SLC35E3: variants seen among roughly 807,000 people sequenced by gnomAD.
The protein encoded by SLC35E3 is solute carrier family 35 member E3, also known as bladder cancer-overexpressed gene 1 protein.
Under a neutral mutation model 30.8 loss-of-function variants are expected in SLC35E3, and 28 were observed. That is an observed-to-expected ratio of 0.91 (90% CI 0.67 to 1.25). The LOEUF (loss-of-function observed/expected upper bound fraction) is 1.25, where lower values mean the gene tolerates loss of function less well. SLC35E3 is among the 50% of genes most tolerant of loss of function. The pLI, the probability that SLC35E3 is intolerant of heterozygous loss-of-function variation, is 0.00. For missense variants in SLC35E3, 365 were observed against 375.4 expected (o/e 0.97, Z 0.23); for synonymous variants, 146 against 149.2 (o/e 0.98, Z 0.16).
At chr12:68,752,211 T>C (rs750206861) in intron 3 of SLC35E3, 21 bp downstream of exon 3, 1 of 1,582,612 alleles carries the variant, frequency 6.3e-7, no homozygotes, top group Admixed American at 1.9e-5. Context: ...ATTGTTTTGA[T>C]ATCTAAGAAA....
intron 2 of SLC35E3, among the ~76,000 whole-genome samples, chr12:68,749,680 A>C (rs1314562791): frequency 1.3e-5 from 2 of 152,210 alleles, no homozygotes; most frequent in Non-Finnish European, 2.9e-5. Flanking sequence ...GGAAAAGTTA[A>C]CAATTTAAAT....
rs1311738130 is a variant in SLC35E3 at position 68,765,503 on chromosome 12, C to T, written c.*613C>T. On this transcript the variant is annotated 3_prime_UTR_variant, in exon 5 of 5. Coordinates refer to ENST00000398004, the MANE Select transcript of SLC35E3 (RefSeq NM_018656.5). The stretch of plus-strand genomic sequence containing the variant: ...TTGGGAGACTGAGACATGAGAATCG[C>T]TTGAGCCTGGGAGGCGGAGGTTGCA... The T allele has an allele frequency of 6.6e-6, 1 of 151,708 alleles. No homozygotes were observed. Among genetic ancestry groups the T allele is most frequent in the Non-Finnish European group, 1.5e-5 (1 of 68,028 alleles). 9.4% of individuals were successfully genotyped at this position (151,708 alleles called of 1,614,324 possible).
intron 1 of SLC35E3, among the ~76,000 whole-genome samples, chr12:68,747,393 C>T (rs955550174): frequency 3.3e-5 from 5 of 152,070 alleles, no homozygotes; most frequent in Non-Finnish European, 7.4e-5. Context: ...CCTCAGCCTC[C>T]CGAGTAGCTG....
chr12:68,762,041 A>G (rs1191059305), intron 4 of SLC35E3, among the ~76,000 whole-genome samples: 2 of 151,888 alleles, frequency 1.3e-5, no homozygotes, highest in African/African-American at 4.8e-5. Context: ...GTTCACTGCA[A>G]CCTCAAACTG....
At chr12:68,749,804 C>T (rs771003684) in intron 2 of SLC35E3, among the ~76,000 whole-genome samples, 21 of 152,130 alleles carry the variant, frequency 1.4e-4, no homozygotes, top group Non-Finnish European at 2.9e-4. Flanking sequence ...TGAGGCTAGG[C>T]AGTAGGTGCA....
chr12:68,752,190 G>A lies in SLC35E3; in HGVS notation c.672G>A (p.Leu224=). Residue 224 remains leucine, a splice_region_variant and synonymous_variant, in exon 3 of 5, where the codon TTG becomes TTA. Coordinates refer to ENST00000398004, the MANE Select transcript of SLC35E3 (RefSeq NM_018656.5). ...TTGGTCCCTGGTCAGTTTCTGCTTT[G>A]GTAAGTTCTAATTGTTTTGATATCT... The part of the protein sequence containing the change: ...GIFGPWSVSA[L]LMVLLSGVIA... The A allele has an allele frequency of 5.0e-6, 8 of 1,601,154 alleles. No individual in the cohort carries two copies. The highest frequency in any genetic ancestry group is 6.0e-6 in the Non-Finnish European group (7 of 1,176,174).
chr12:68,762,133 C>T (rs1413293517), intron 4 of SLC35E3, among the ~76,000 whole-genome samples: 1 of 152,036 alleles, frequency 6.6e-6, no homozygotes, highest in Non-Finnish European at 1.5e-5. Flanking sequence ...GCCAGGTGCT[C>T]AGTTTTGGAT....
At chr12:68,747,905 A>G in intron 1 of SLC35E3, 25 bp from the exon 2 acceptor site, 1 of 1,250,306 alleles carries the variant, frequency 8.0e-7, no homozygotes, top group African/African-American at 1.5e-5. Context: ...TAATCTGAAC[A>G]ACATTTACCT....
intron 3 of SLC35E3, among the ~76,000 whole-genome samples, chr12:68,754,973 A>G (rs1370005743): frequency 2.0e-5 from 3 of 152,092 alleles, no homozygotes; most frequent in African/African-American, 7.2e-5. Flanking sequence ...TTAAACAACA[A>G]ATACTCATTT....
At position 68,752,159 on chromosome 12, in the gene SLC35E3, G is replaced by A. The variant is rs773678128; in HGVS notation, c.641G>A (p.Gly214Glu). The A allele has an allele frequency of 6.2e-7, 1 of 1,613,154 alleles. No homozygotes were observed. Among genetic ancestry groups the A allele is most frequent in the South Asian group, 1.1e-5 (1 of 90,844 alleles). Reference protein sequence around the residue: ...PFFEPVFGEGGIFGPWSVSAL... With the variant: ...PFFEPVFGEGEIFGPWSVSAL... The stretch of plus-strand genomic sequence containing the variant: ...TTTGAGCCAGTGTTTGGAGAAGGAG[G>A]AATATTTGGTCCCTGGTCAGTTTCT... Residue 214 changes from glycine (G) to glutamate (E), a missense_variant, in exon 3 of 5, where the codon GGA (glycine) becomes GAA (glutamate). Transcript: ENST00000398004.
At chr12:68,757,847 G>C (rs893945829) in intron 3 of SLC35E3, among the ~76,000 whole-genome samples, 8 of 152,104 alleles carry the variant, frequency 5.3e-5, no homozygotes. Context: ...CAGCACTTTG[G>C]GAGGCCAAGG....
At position 68,746,737 on chromosome 12, in the gene SLC35E3, C is replaced by T; in HGVS notation, c.360C>T (p.Phe120=). The T allele has an allele frequency of 1.2e-6, 2 of 1,602,872 alleles. No individual in the cohort carries two copies. The highest frequency in any genetic ancestry group is 1.1e-5 in the South Asian group (1 of 90,314). The part of the protein sequence containing the change: ...TTPVIIAIQT[F]CYQKTFSTRI... ...CGGTGATCATAGCCATCCAGACCTT[C>T]TGCTACCAGAAAACCTTCTCCACCA... The change falls in exon 1 of 5, where the codon TTC becomes TTT. Residue 120 remains phenylalanine, a synonymous_variant. Coordinates refer to ENST00000398004, the MANE Select transcript of SLC35E3 (RefSeq NM_018656.5).
chr12:68,746,718 T>C lies in SLC35E3; in HGVS notation c.341T>C (p.Ile114Thr). 1 of 1,613,546 alleles carries C rather than the reference T, an allele frequency of 6.2e-7. No individual in the cohort carries two copies. The highest frequency in any genetic ancestry group is 8.5e-7 in the Non-Finnish European group (1 of 1,179,552). The change falls in exon 1 of 5, where the codon ATC (isoleucine) becomes ACC (threonine). Residue 114 changes from isoleucine to threonine, a missense_variant. By Grantham distance (89) the Ile-to-Thr change is moderately conservative. Transcript: ENST00000398004. ...QLAKAMTTPV[I>T]IAIQTFCYQK... ...GCCAAGGCCATGACCACGCCGGTGA[T>C]CATAGCCATCCAGACCTTCTGCTAC...
At position 68,746,713 on chromosome 12, in the gene SLC35E3, G is replaced by T; in HGVS notation, c.336G>T (p.Pro112=). ...AGCTGGCCAAGGCCATGACCACGCCGGTGATCATAGCCATCCAGACCTTCT... is the reference window on the plus strand; with the variant it reads ...AGCTGGCCAAGGCCATGACCACGCCTGTGATCATAGCCATCCAGACCTTCT... ...TYQLAKAMTT[P]VIIAIQTFCY... Residue 112 remains proline, a synonymous_variant, in exon 1 of 5, where the codon CCG becomes CCT. Transcript: ENST00000398004. 6.2e-7 allele frequency: 1 copy of T among 1,613,804 alleles called. No individual in the cohort carries two copies. The highest frequency in any genetic ancestry group is 8.5e-7 in the Non-Finnish European group (1 of 1,179,728).
Position 68,780,537 on chromosome 12 carries a change from G to A in SLC35E3, c.*15647G>A, listed in dbSNP as rs1256366652. 1.3e-5 allele frequency: 2 copies of A among 149,544 alleles called. No homozygotes were observed. Among genetic ancestry groups the A allele is most frequent in the Non-Finnish European group, 2.9e-5 (2 of 67,994 alleles). 9.3% of individuals were successfully genotyped at this position (149,544 alleles called of 1,614,324 possible). ...AGTTTCACTCTTGTTGCCCAGGCTG[G>A]AGTGCAATGGCATGATCTGGACTCA... On this transcript the variant is annotated 3_prime_UTR_variant, in exon 5 of 5. Coordinates refer to ENST00000398004, the MANE Select transcript of SLC35E3 (RefSeq NM_018656.5).
At position 68,765,008 on chromosome 12, in the gene SLC35E3, G is replaced by A. The variant is rs1266900688; in HGVS notation, c.*118G>A. The A allele has an allele frequency of 1.0e-6, 1 of 952,644 alleles. No homozygotes were observed. Among genetic ancestry groups the A allele is most frequent in the South Asian group, 1.8e-5 (1 of 56,744 alleles). The allele number at this position is 952,644 out of a possible 1,614,324, so 59.0% of individuals were successfully genotyped here. On this transcript the variant is annotated 3_prime_UTR_variant, in exon 5 of 5. Transcript: ENST00000398004. ...ACGGTGGCTCACGCCTGTAATCCCA[G>A]CACTTTGGGAGGCCAAGGCCAGCGG...
At chr12:68,752,748 G>A (rs1878851295) in intron 3 of SLC35E3, among the ~76,000 whole-genome samples, 1 of 152,094 alleles carries the variant, frequency 6.6e-6, no homozygotes, top group Admixed American at 6.5e-5. Context: ...GCTCATGCCT[G>A]TAATCCTGGG....
rs1230366567 is a variant in SLC35E3, at chr12:68,777,656, G to A, written c.*12766G>A. 2.0e-5 allele frequency: 3 copies of A among 152,260 alleles called. No homozygotes were observed. The highest frequency in any genetic ancestry group is 4.8e-5 in the African/African-American group (2 of 41,456). 9.4% of individuals were successfully genotyped at this position (152,260 alleles called of 1,614,324 possible). ...TGAATTTCCCCACCCTCAGGTGTCA[G>A]AGAATCAGAGGAAGTCATGCTGCTT... is the stretch of plus-strand genomic sequence containing the variant. On this transcript the variant is annotated 3_prime_UTR_variant, in exon 5 of 5. Coordinates refer to ENST00000398004, the MANE Select transcript of SLC35E3 (RefSeq NM_018656.5).
At position 68,765,074 on chromosome 12, in the gene SLC35E3, T is replaced by C. The variant is rs1879345890; in HGVS notation, c.*184T>C. The C allele has an allele frequency of 4.3e-6, 2 of 465,662 alleles. No homozygotes were observed. The highest frequency in any genetic ancestry group is 2.0e-5 in the African/African-American group (1 of 50,686). 28.8% of individuals were successfully genotyped at this position (465,662 alleles called of 1,614,324 possible). A position where few individuals can be genotyped will look rare whatever the true frequency, so the allele number is the denominator to read the frequency against. ...GAGTTCGAGACCAGCCTGACCAACA[T>C]GGAGAAACCCTGTCTCAACTAATAA... On this transcript the variant is annotated 3_prime_UTR_variant, in exon 5 of 5. Coordinates refer to ENST00000398004, the MANE Select transcript of SLC35E3 (RefSeq NM_018656.5).
Sources: allele counts gnomAD v4.1 joint callset (sites outside exome capture counted in the v4.1 genomes callset), GRCh38; gene constraint gnomAD v4.1.1; transcripts MANE v1.5; gene names NCBI Gene and HGNC (gene_info 2026-07-23, HGNC 2026-07-21).